The following LRRC9 variants were observed in gnomAD, a reference collection of about 807,000 sequenced individuals.
LRRC9 encodes leucine rich repeat containing 9, also known as leucine-rich repeat-containing protein 9.
LRRC9 carries 122 observed loss-of-function variants against 63.2 expected under a neutral mutation model. That is an observed-to-expected ratio of 1.93 (90% CI 1.67 to 2.24). The LOEUF (loss-of-function observed/expected upper bound fraction) is 2.24. Ranked by LOEUF, LRRC9 falls within the 30% of genes most tolerant of loss-of-function variation. LRRC9 has a pLI of 0.00. For missense variants in LRRC9, 1,071 were observed against 627.7 expected, an observed-to-expected ratio of 1.71 and a Z score of -7.55; for synonymous variants, 366 against 213.1, an observed-to-expected ratio of 1.72 and a Z score of -6.25.
chr14:59,982,677 C>A (rs1887058656), intron 16 of LRRC9, among the ~76,000 whole-genome samples: 1 of 152,166 alleles, frequency 6.6e-6, no homozygotes, highest in Admixed American at 6.5e-5. Flanking sequence ...AACTATAGCA[C>A]CTGCATATCT....
In LRRC9 at chr14:59,962,727, T is replaced by A. The variant is rs117238202; in HGVS notation, c.1211+1682T>A. Reference sequence around the variant, plus strand: ...TCCAAACAGGATTTTTAAAAATTATTTGTTTCTTTTTAAATTATTGCAGAG... The same window carrying A: ...TCCAAACAGGATTTTTAAAAATTATATGTTTCTTTTTAAATTATTGCAGAG... On this transcript the variant is annotated intron_variant, in intron 10 of 31. Coordinates refer to ENST00000445360, the Ensembl canonical transcript of LRRC9. The surrounding 1 kb of genome is among the most constrained non-coding windows in gnomAD (Gnocchi z 5.1). Among the ~76,000 whole-genome samples, 1 of 152,218 alleles carries A rather than the reference T, an allele frequency of 6.6e-6. No homozygotes were observed. The highest frequency in any genetic ancestry group is 1.9e-4 in the East Asian group (1 of 5,182).
rs893431322 is a variant in LRRC9 at position 60,058,339 on chromosome 14, G to A, written c.4276+317G>A. On this transcript the variant is annotated intron_variant, in intron 31 of 31. Coordinates refer to ENST00000445360, the Ensembl canonical transcript of LRRC9. The surrounding 1 kb of genome is among the most constrained non-coding windows in gnomAD (Gnocchi z 4.4). The stretch of plus-strand genomic sequence containing the variant: ...TTCAAAGCTTTTATTTCATTTCATG[G>A]ATGTCAGAGCAAACAACTACTAAAA... Among the ~76,000 whole-genome samples, 15 of 152,126 alleles carry A rather than the reference G, an allele frequency of 9.9e-5. No homozygotes were observed. The highest frequency in any genetic ancestry group is 6.8e-3 in the Middle Eastern group (2 of 294).
At chr14:59,995,410 T>C (rs1240964969) in intron 17 of LRRC9, among the ~76,000 whole-genome samples, 2 of 152,238 alleles carry the variant, frequency 1.3e-5, no homozygotes, top group African/African-American at 4.8e-5. Context: ...GAATATCTTA[T>C]CTTTCTGAAT....
chr14:59,944,253 A>G (rs1314483018), intron 7 of LRRC9, among the ~76,000 whole-genome samples: 1 of 151,944 alleles, frequency 6.6e-6, no homozygotes, highest in Non-Finnish European at 1.5e-5. Context: ...ATAATGAGTT[A>G]TATGTTTGCT....
At chr14:59,998,337 C>G (rs1889012978) in intron 18 of LRRC9, among the ~76,000 whole-genome samples, 2 of 151,958 alleles carry the variant, frequency 1.3e-5, no homozygotes, top group South Asian at 4.1e-4. Flanking sequence ...GTTTTAAGTC[C>G]AGAAATCATC....
chr14:59,978,004 G>T lies in LRRC9; in HGVS notation c.1763-13G>T. ...AAATGTGTTTGCTTTGCTTGTTTTTGCTTTTACTCTAGATTCTGTCATGGG... is the reference window on the plus strand; with the variant it reads ...AAATGTGTTTGCTTTGCTTGTTTTTTCTTTTACTCTAGATTCTGTCATGGG... On this transcript the variant is annotated splice_polypyrimidine_tract_variant and intron_variant, in intron 14 of 31. Transcript: ENST00000445360. 1.5e-6 allele frequency: 1 copy of T among 688,876 alleles called. No homozygotes were observed. The highest frequency in any genetic ancestry group is 2.1e-5 in the Admixed American group (1 of 48,176). 42.7% of individuals were successfully genotyped at this position (688,876 alleles called of 1,614,324 possible).
intron 31 of LRRC9, among the ~76,000 whole-genome samples, chr14:60,061,040 T>A (rs1254444377): frequency 1.3e-5 from 2 of 152,200 alleles, no homozygotes; most frequent in Non-Finnish European, 2.9e-5. Flanking sequence ...AGTTGCTTCT[T>A]ATGGAGGAGC....
intron 6 of LRRC9, among the ~76,000 whole-genome samples, chr14:59,934,170 A>G (rs1011842195): frequency 2.0e-5 from 3 of 152,102 alleles, no homozygotes; most frequent in Non-Finnish European, 4.4e-5. Flanking sequence ...GAGGAGGAGG[A>G]AAGACGAGGA....
chr14:60,016,924 A>G (rs1890734790), intron 24 of LRRC9, 134 bp downstream of exon 24: 1 of 480,306 alleles, frequency 2.1e-6, no homozygotes, highest in Admixed American at 3.3e-5. Flanking sequence ...CTGTACTGAA[A>G]AGATTCATGC....
chr14:60,048,155 G>T (rs1840503287), intron 29 of LRRC9, among the ~76,000 whole-genome samples: 1 of 152,020 alleles, frequency 6.6e-6, no homozygotes, highest in African/African-American at 2.4e-5. Flanking sequence ...TGTTAAGAGG[G>T]GAATTTATAG....
chr14:59,924,195 G>T (rs186824641), intron 1 of LRRC9, among the ~76,000 whole-genome samples: 65 of 152,294 alleles, frequency 4.3e-4, no homozygotes, highest in Non-Finnish European at 7.8e-4. Flanking sequence ...GGGCAGCTAG[G>T]CTATCCTTTG....
intron 29 of LRRC9, among the ~76,000 whole-genome samples, chr14:60,035,504 T>C (rs1465886653): frequency 6.6e-6 from 1 of 152,190 alleles, no homozygotes; most frequent in East Asian, 1.9e-4. Context: ...CTTCAATCCA[T>C]TTTTATTTTG....
Position 59,938,274 on chromosome 14 carries a change from T to A in LRRC9, c.544-116T>A, listed in dbSNP as rs1881267415. On this transcript the variant is annotated intron_variant, in intron 6 of 31. Transcript: ENST00000445360. This position sits in a 1 kb window ranked among gnomAD's most constrained non-coding sequence, Gnocchi z 4.2. The stretch of plus-strand genomic sequence containing the variant: ...ATTTTAGGCATCTAAATCACTTTAA[T>A]GTATTTAAGCGCATAATTAGAATGC... The A allele has an allele frequency of 2.1e-6, 1 of 473,046 alleles. No individual in the cohort carries two copies. Among genetic ancestry groups the A allele is most frequent in the Non-Finnish European group, 3.7e-6 (1 of 269,588 alleles). 29.3% of individuals were successfully genotyped at this position (473,046 alleles called of 1,614,324 possible). A position where few individuals can be genotyped will look rare whatever the true frequency, so the allele number is the denominator to read the frequency against.
At chr14:59,926,580 T>G (rs991201295) in intron 1 of LRRC9, among the ~76,000 whole-genome samples, 2 of 152,174 alleles carry the variant, frequency 1.3e-5, no homozygotes, top group African/African-American at 4.8e-5. Context: ...TACATTGTTA[T>G]GAACACTCTA....
chr14:60,019,039 T>G, intron 25 of LRRC9, 82 bp from the exon 26 acceptor site: 1 of 540,528 alleles, frequency 1.9e-6, no homozygotes, highest in Non-Finnish European at 3.3e-6. Flanking sequence ...TATTATTAAA[T>G]TATGTGGTAT....
intron 11 of LRRC9, 80 bp from the exon 12 acceptor site, chr14:59,967,016 A>C (rs1433143888): frequency 1.8e-6 from 1 of 544,214 alleles, no homozygotes; most frequent in African/African-American, 1.9e-5. Flanking sequence ...TATCCCTGGC[A>C]GGACATATGG....
chr14:60,013,119 G>C (rs940301515), intron 23 of LRRC9, among the ~76,000 whole-genome samples: 22 of 109,646 alleles, frequency 2.0e-4, no homozygotes, highest in Non-Finnish European at 7.1e-5. Flanking sequence ...CTCCCCCAAG[G>C]CTTAATATGT....
At chr14:60,022,759 C>A in exon 27 of LRRC9, 1 of 660,366 alleles carries the variant, frequency 1.5e-6, no homozygotes, top group South Asian at 1.7e-5. Context: ...TGAAAATTTG[C>A]CTCCAATAAT....
intron 29 of LRRC9, among the ~76,000 whole-genome samples, chr14:60,050,094 T>G (rs182384417): frequency 0.021 from 3,165 of 152,226 alleles, 60 homozygotes; most frequent in South Asian, 0.05. Flanking sequence ...CCTCCTGGGT[T>G]CAAGTGATTC....
Sources: allele counts gnomAD v4.1 joint callset (sites outside exome capture counted in the v4.1 genomes callset), GRCh38; gene constraint gnomAD v4.1.1; non-coding constraint Gnocchi (gnomAD v3.1); transcripts MANE v1.5; gene names NCBI Gene and HGNC (gene_info 2026-07-23, HGNC 2026-07-21).